The following TCTN3 variants were observed in gnomAD, a reference collection of about 807,000 sequenced individuals.
TCTN3 encodes the protein tectonic-3.
A neutral mutation model predicts 71.3 loss-of-function variants in TCTN3; 57 were observed. The observed-to-expected ratio is 0.80, with a 90% CI of 0.65 to 1.00. The LOEUF (loss-of-function observed/expected upper bound fraction) is 1.00, where lower values mean the gene tolerates loss of function less well. TCTN3 is among the 50% of genes least tolerant of loss of function. The pLI is 0.00. For synonymous variants in TCTN3, 258 were observed against 267.8 expected, an observed-to-expected ratio of 0.96 and a Z score of 0.36; for missense variants, 696 against 719.9, an observed-to-expected ratio of 0.97 and a Z score of 0.38.
In TCTN3 at chr10:95,693,472, TA is replaced by T; in HGVS notation, c.260del (p.Leu87TyrfsTer8). The T allele has an allele frequency of 6.4e-7, 1 of 1,552,176 alleles. No individual in the cohort carries two copies. Among genetic ancestry groups the T allele is most frequent in the Non-Finnish European group, 8.7e-7 (1 of 1,147,096 alleles). On this transcript the variant is annotated frameshift_variant, in exon 2 of 14. Transcript: ENST00000371217. LOFTEE classifies it high-confidence loss of function. ...GAGTCAAGTCACAGACACAGATCGG[TA>T]AGACTATGAAAGTACGACACAGAGT... ...GNRTVDLFPV[L>X]PICVCDLTPG...
chr10:95,692,727 C>T lies in TCTN3; in HGVS notation c.499+193G>A, dbSNP rs1036996770. 7 of 561,486 alleles carry T rather than the reference C, an allele frequency of 1.2e-5. No homozygotes were observed. In the Admixed American group the frequency reaches 1.5e-4, roughly 12 times the overall value. 34.8% of individuals were successfully genotyped at this position (561,486 alleles called of 1,614,324 possible). Reference sequence around the variant, plus strand: ...GGCTTATGAATGCAGCCCAACAACACAAATTTGTAAACTTTCTTAAAACAT... The same window carrying T: ...GGCTTATGAATGCAGCCCAACAACATAAATTTGTAAACTTTCTTAAAACAT... On this transcript the variant is annotated intron_variant, in intron 3 of 13. Coordinates refer to ENST00000371217, the MANE Select transcript of TCTN3 (RefSeq NM_015631.6).
chr10:95,675,669 G>C (rs2097936334), intron 13 of TCTN3, among the ~76,000 whole-genome samples: 1 of 152,190 alleles, frequency 6.6e-6, no homozygotes, highest in Admixed American at 6.5e-5. Flanking sequence ...TGGTGGTGCT[G>C]CAACTGTCCC....
At position 95,677,474 on chromosome 10, in the gene TCTN3, G is replaced by GTTTTTTTTTTTTTT. The variant is rs10654251; in HGVS notation, c.1590+2997_1590+2998insAAAAAAAAAAAAAA. On this transcript the variant is annotated intron_variant, in intron 13 of 13. Coordinates refer to ENST00000371217, the MANE Select transcript of TCTN3 (RefSeq NM_015631.6). Reference sequence around the variant, plus strand: ...ATACAAGAAGATAGTGAAGTCTACAGTTTTTTTTGTTTTTTTTTTTTTTTT... The same window carrying GTTTTTTTTTTTTTT: ...ATACAAGAAGATAGTGAAGTCTACAGTTTTTTTTTTTTTTTTTTTTTTGTTTTTTTTTTTTTTTT... Among the ~76,000 whole-genome samples, 300 of 80,604 alleles carry GTTTTTTTTTTTTTT rather than the reference G, an allele frequency of 3.7e-3. 38 individuals carry two copies. Among genetic ancestry groups the GTTTTTTTTTTTTTT allele is most frequent in the Non-Finnish European group, 5.3e-3 (176 of 33,192 alleles). The allele number at this position is 80,604 out of a possible 152,430, so 52.9% of individuals were successfully genotyped here.
Position 95,687,124 on chromosome 10 carries a change from A to T in TCTN3, c.772T>A (p.Phe258Ile). The change falls in exon 6 of 14, where the codon TTT (phenylalanine) becomes ATT (isoleucine). Residue 258 changes from phenylalanine (F) to isoleucine (I), a missense_variant. Transcript: ENST00000371217. Reference protein sequence around the residue: ...LESKSTTCTRFFKNLASSCTL... With the variant: ...LESKSTTCTRIFKNLASSCTL... Reference sequence around the variant, plus strand: ...CAGCTACTAGCCAGGTTCTTGAAAAAACGAGTGCAAGTTGTACTTTTACTC... The same window carrying T: ...CAGCTACTAGCCAGGTTCTTGAAAATACGAGTGCAAGTTGTACTTTTACTC... The T allele has an allele frequency of 6.2e-7, 1 of 1,614,218 alleles. No homozygotes were observed. Among genetic ancestry groups the T allele is most frequent in the Non-Finnish European group, 8.5e-7 (1 of 1,180,020 alleles).
intron 13 of TCTN3, among the ~76,000 whole-genome samples, chr10:95,677,491 T>TTTTTTTTTTTTTTTTG (rs2097938579): frequency 6.8e-6 from 1 of 146,090 alleles, no homozygotes; most frequent in Non-Finnish European, 1.5e-5. Context: ...TTGTTTTTTT[T>TTTTTTTTTTTTTTTTG]TTTTTTTTTT....
intron 13 of TCTN3, among the ~76,000 whole-genome samples, chr10:95,675,809 A>AATT (rs2097936427): frequency 6.6e-6 from 1 of 152,218 alleles, no homozygotes. Context: ...TCTAATGTTG[A>AATT]ATTACTCTTA....
chr10:95,686,002 G>T (rs1412315850), intron 7 of TCTN3, among the ~76,000 whole-genome samples: 1 of 152,216 alleles, frequency 6.6e-6, no homozygotes, highest in Non-Finnish European at 1.5e-5. Context: ...CAAGTCAGGA[G>T]AATTGCTTGA....
chr10:95,670,390 C>T (rs1000000537), intron 13 of TCTN3, among the ~76,000 whole-genome samples: 2 of 152,210 alleles, frequency 1.3e-5, no homozygotes, highest in African/African-American at 4.8e-5. Flanking sequence ...CAGGGTCTCA[C>T]TCTGATTGCC....
intron 8 of TCTN3, among the ~76,000 whole-genome samples, chr10:95,684,868 G>T (rs1490171344): frequency 6.6e-6 from 1 of 152,146 alleles, no homozygotes; most frequent in Non-Finnish European, 1.5e-5. Flanking sequence ...TTTTTGGTAG[G>T]AACTGAAAGG....
chr10:95,678,727 G>A (rs2097939915), intron 13 of TCTN3, among the ~76,000 whole-genome samples: 1 of 152,004 alleles, frequency 6.6e-6, no homozygotes, highest in Admixed American at 6.6e-5. Context: ...GGAAATGCTT[G>A]CATTTGATAA....
intron 4 of TCTN3, 115 bp from the exon 5 acceptor site, chr10:95,687,470 C>T (rs2097949503): frequency 6.6e-7 from 1 of 1,521,854 alleles, no homozygotes; most frequent in Admixed American, 1.9e-5. Flanking sequence ...ACAGTACTGC[C>T]CTCCAAAGAG....
intron 4 of TCTN3, 62 bp from the exon 5 acceptor site, chr10:95,687,417 G>C: frequency 6.6e-7 from 1 of 1,521,082 alleles, no homozygotes; most frequent in Non-Finnish European, 8.9e-7. Flanking sequence ...CAACAGAAAA[G>C]AAAGAGTAGA....
At chr10:95,692,454 T>C (rs1269494479) in intron 3 of TCTN3, among the ~76,000 whole-genome samples, 1 of 151,768 alleles carries the variant, frequency 6.6e-6, no homozygotes, top group African/African-American at 2.4e-5. Flanking sequence ...TGCAGTGAGC[T>C]GAGATCGTGC....
chr10:95,690,963 A>G lies in TCTN3; in HGVS notation c.499+1957T>C, dbSNP rs1425053464. Among the ~76,000 whole-genome samples the G allele has an allele frequency of 5.3e-5, 8 of 152,334 alleles. No individual in the cohort carries two copies. The South Asian group carries it at 1.7e-3, about 32-fold the overall frequency. On this transcript the variant is annotated intron_variant, in intron 3 of 13. Coordinates refer to ENST00000371217, the MANE Select transcript of TCTN3 (RefSeq NM_015631.6). ...AAAAAGTTCATTGATGTAATGAACCATAACTACTATTGGAAGTGGCCATAT... is the reference window on the plus strand; with the variant it reads ...AAAAAGTTCATTGATGTAATGAACCGTAACTACTATTGGAAGTGGCCATAT...
intron 3 of TCTN3, among the ~76,000 whole-genome samples, chr10:95,688,397 G>GAAAAAAAA (rs60722894): frequency 0.015 from 1,580 of 104,284 alleles, 5 homozygotes; most frequent in Non-Finnish European, 0.021. Context: ...TCAAAAAAAA[G>GAAAAAAAA]AAAAAAAAAA....
intron 6 of TCTN3, among the ~76,000 whole-genome samples, chr10:95,686,768 T>C (rs1345068305): frequency 2.0e-5 from 3 of 152,190 alleles, no homozygotes; most frequent in Non-Finnish European, 4.4e-5. Flanking sequence ...CTCTACTGAA[T>C]AGCAAAAGCA....
At chr10:95,691,760 T>C (rs987750485) in intron 3 of TCTN3, among the ~76,000 whole-genome samples, 2 of 152,184 alleles carry the variant, frequency 1.3e-5, no homozygotes, top group Non-Finnish European at 2.9e-5. Context: ...CACCAGCAAA[T>C]TTCTAAGTCC....
At chr10:95,692,833 C>A in intron 3 of TCTN3, 87 bp downstream of exon 3, 1 of 987,204 alleles carries the variant, frequency 1.0e-6, no homozygotes, top group Non-Finnish European at 1.6e-6. Context: ...TGGCCCAAGA[C>A]AATTCTTCTT....
At position 95,686,549 on chromosome 10, in the gene TCTN3, C is replaced by T; in HGVS notation, c.853-19G>A. ...TTGGAACCTAGGAGAACAGCAGGGA[C>T]ATGAATGTGCATATACCTTACCAAA... On this transcript the variant is annotated intron_variant, in intron 6 of 13. Coordinates refer to ENST00000371217, the MANE Select transcript of TCTN3 (RefSeq NM_015631.6). The T allele has an allele frequency of 6.2e-7, 1 of 1,613,752 alleles. No homozygotes were observed.
Sources: allele counts gnomAD v4.1 joint callset (sites outside exome capture counted in the v4.1 genomes callset), GRCh38; gene constraint gnomAD v4.1.1; transcripts MANE v1.5; gene names NCBI Gene and HGNC (gene_info 2026-07-23, HGNC 2026-07-21).